IL1RAPL1: variants seen among roughly 807,000 people sequenced by gnomAD.
IL1RAPL1 encodes interleukin-1 receptor accessory protein-like 1.
A neutral mutation model predicts 48.4 loss-of-function variants in IL1RAPL1; 3 were observed. The observed-to-expected ratio is 0.06, with a 90% CI of 0.03 to 0.16. The LOEUF (loss-of-function observed/expected upper bound fraction) is 0.16. Ranked by LOEUF, IL1RAPL1 falls within the 10% of genes least tolerant of loss-of-function variation. The pLI, the probability that IL1RAPL1 is intolerant of heterozygous loss-of-function variation, is 1.00. For missense variants in IL1RAPL1, 349 were observed against 530.6 expected, an observed-to-expected ratio of 0.66 and a Z score of 3.36; for synonymous variants, 185 against 187.7, an observed-to-expected ratio of 0.99 and a Z score of 0.12.
At chrX:29,722,736 C>T (rs1927668616) in intron 6 of IL1RAPL1, among the ~76,000 whole-genome samples, 1 of 111,741 alleles carries the variant, frequency 8.9e-6, no homozygotes, top group Non-Finnish European at 1.9e-5. Flanking sequence ...GATCCTTGCA[C>T]ATTTAATTCC....
intron 6 of IL1RAPL1, among the ~76,000 whole-genome samples, chrX:29,879,544 C>T (rs1360551149): frequency 2.8e-5 from 3 of 108,879 alleles, no homozygotes; most frequent in African/African-American, 6.7e-5. Context: ...TCATATTGTT[C>T]CTTATAAATC....
intron 2 of IL1RAPL1, among the ~76,000 whole-genome samples, chrX:28,976,304 T>C (rs1167229692): frequency 9.0e-6 from 1 of 111,707 alleles, no homozygotes; most frequent in African/African-American, 3.3e-5. Context: ...GAAATGATGA[T>C]GACTTGGTTT....
At chrX:28,836,979 G>T (rs1489921273) in intron 2 of IL1RAPL1, among the ~76,000 whole-genome samples, 2 of 109,769 alleles carry the variant, frequency 1.8e-5, no homozygotes, top group Non-Finnish European at 3.8e-5. Flanking sequence ...GAAAAAAAAC[G>T]AGAGACCAAG....
At chrX:29,662,901 A>G (rs1017551741) in intron 5 of IL1RAPL1, among the ~76,000 whole-genome samples, 1 of 111,989 alleles carries the variant, frequency 8.9e-6, no homozygotes, top group Admixed American at 9.5e-5. Context: ...CACCACAATT[A>G]TTTGCAACAG....
chrX:29,761,346 C>T (rs1276413867), intron 6 of IL1RAPL1, among the ~76,000 whole-genome samples: 1 of 110,748 alleles, frequency 9.0e-6, no homozygotes, highest in African/African-American at 3.3e-5. Context: ...GACACCCCCC[C>T]ACCAAAGAAA....
intron 3 of IL1RAPL1, among the ~76,000 whole-genome samples, chrX:29,332,902 G>A (rs1289441851): frequency 9.1e-6 from 1 of 109,751 alleles, no homozygotes; most frequent in Non-Finnish European, 1.9e-5. Flanking sequence ...ATCTTGCACC[G>A]CCCTTAATCC....
At chrX:28,634,241 A>T (rs197002) in intron 1 of IL1RAPL1, among the ~76,000 whole-genome samples, 43,036 of 108,292 alleles carry the variant, frequency 0.4, 6,510 homozygotes, top group South Asian at 0.54. Flanking sequence ...ACCTCAAGCC[A>T]TCTGCCTGCC....
intron 2 of IL1RAPL1, among the ~76,000 whole-genome samples, chrX:29,103,932 C>T (rs1392740213): frequency 8.9e-6 from 1 of 111,787 alleles, no homozygotes; most frequent in Non-Finnish European, 1.9e-5. Context: ...TATCATCCCA[C>T]CCCAGTTAAA....
chrX:29,483,161 T>A (rs1935058777), intron 5 of IL1RAPL1, among the ~76,000 whole-genome samples: 1 of 112,075 alleles, frequency 8.9e-6, no homozygotes, highest in Admixed American at 9.5e-5. Flanking sequence ...CAGAGCTATT[T>A]TAGCCACTGT....
chrX:29,420,443 T>C (rs190227493), intron 5 of IL1RAPL1, among the ~76,000 whole-genome samples: 8 of 112,601 alleles, frequency 7.1e-5, no homozygotes, highest in South Asian at 3.7e-4. Flanking sequence ...GTTCAGTCTA[T>C]ACATTTTTCA....
chrX:29,929,984 G>A (rs768694266), intron 8 of IL1RAPL1, among the ~76,000 whole-genome samples: 6 of 111,666 alleles, frequency 5.4e-5, no homozygotes, highest in Admixed American at 1.9e-4. Context: ...AGGCTTCTTC[G>A]GTAGACTGCT....
chrX:29,156,676 G>A (rs1380086188), intron 2 of IL1RAPL1, among the ~76,000 whole-genome samples: 1 of 111,646 alleles, frequency 9.0e-6, no homozygotes, highest in Admixed American at 9.6e-5. Flanking sequence ...TCAGTTGCAA[G>A]TCATCACACT....
chrX:28,729,321 T>C (rs1158400406), intron 1 of IL1RAPL1, among the ~76,000 whole-genome samples: 1 of 111,454 alleles, frequency 9.0e-6, no homozygotes, highest in African/African-American at 3.3e-5. Flanking sequence ...CCAGAATTAG[T>C]GCATGAAGGG....
rs1240451739 is a variant in IL1RAPL1, at chrX:29,956,325, G to A, written c.*505G>A. The A allele has an allele frequency of 1.0e-5, 1 of 97,872 alleles. No homozygotes were observed. Among genetic ancestry groups the A allele is most frequent in the Admixed American group, 1.1e-4 (1 of 8,808 alleles). 8.1% of individuals were successfully genotyped at this position (97,872 alleles called of 1,213,427 possible). A position where few individuals can be genotyped will look rare whatever the true frequency, so the allele number is the denominator to read the frequency against. On this transcript the variant is annotated 3_prime_UTR_variant, in exon 11 of 11. Coordinates refer to ENST00000378993, the MANE Select transcript of IL1RAPL1 (RefSeq NM_014271.4). ...CAACAAATGCCAGCATTGCCATTCG[G>A]GGGAAAAAAAAAAAAAAAAAAAAAA... is the stretch of plus-strand genomic sequence containing the variant.
chrX:29,223,412 A>G (rs1216779538), intron 2 of IL1RAPL1, among the ~76,000 whole-genome samples: 1 of 111,769 alleles, frequency 8.9e-6, no homozygotes, highest in Non-Finnish European at 1.9e-5. Flanking sequence ...TTTTCTTATT[A>G]TATTATGGTT....
At chrX:29,861,414 G>A (rs1407884723) in intron 6 of IL1RAPL1, among the ~76,000 whole-genome samples, 1 of 111,612 alleles carries the variant, frequency 9.0e-6, no homozygotes, top group East Asian at 2.8e-4. Flanking sequence ...AGTCACAGTT[G>A]AGAACCACTG....
intron 2 of IL1RAPL1, among the ~76,000 whole-genome samples, chrX:28,866,895 T>C (rs1255129943): frequency 8.9e-6 from 1 of 111,889 alleles, no homozygotes; most frequent in African/African-American, 3.3e-5. Flanking sequence ...GGGAATTTTT[T>C]ACATGTCTTC....
intron 6 of IL1RAPL1, among the ~76,000 whole-genome samples, chrX:29,735,396 A>G (rs894054041): frequency 2.7e-5 from 3 of 111,673 alleles, no homozygotes; most frequent in African/African-American, 6.5e-5. Context: ...TCTCAATTCC[A>G]TCTGCTATCT....
intron 1 of IL1RAPL1, among the ~76,000 whole-genome samples, chrX:28,704,569 C>T (rs778247184): frequency 9.3e-6 from 1 of 107,372 alleles, no homozygotes; most frequent in African/African-American, 3.4e-5. Flanking sequence ...TATATTCAAG[C>T]GGGTAAGTAG....
Sources: allele counts gnomAD v4.1 joint callset (sites outside exome capture counted in the v4.1 genomes callset), GRCh38; gene constraint gnomAD v4.1.1; transcripts MANE v1.5; gene names NCBI Gene and HGNC (gene_info 2026-07-23, HGNC 2026-07-21).